Variants in SULF1 observed in about 807,000 individuals in gnomAD.
SULF1 encodes the protein extracellular sulfatase Sulf-1.
SULF1 carries 46 observed loss-of-function variants against 110.5 expected under a neutral mutation model. The observed-to-expected ratio is 0.42, with a 90% CI of 0.33 to 0.53. The LOEUF is 0.53. Ranked by LOEUF, SULF1 falls within the 20% of genes least tolerant of loss-of-function variation. The pLI, the probability that SULF1 is intolerant of heterozygous loss-of-function variation, is 0.12. For missense variants in SULF1, 941 were observed against 1,094.2 expected (o/e 0.86, Z 1.98); for synonymous variants, 371 against 387.1 (o/e 0.96, Z 0.49).
At position 69,529,908 on chromosome 8, in the gene SULF1, A is replaced by G. The variant is rs113038471; in HGVS notation, c.-134+27940A>G. On this transcript the variant is annotated intron_variant, in intron 3 of 22. Coordinates refer to ENST00000402687, the MANE Select transcript of SULF1 (RefSeq NM_001128205.2). ...TTGGTTACCCAGGTCAGCCATATTC[A>G]GTGTGGGAGGGAGCTGCACAAAGGT... Among the ~76,000 whole-genome samples, 693 of 152,310 alleles carry G rather than the reference A, an allele frequency of 4.5e-3. 4 individuals are homozygous for G. Among genetic ancestry groups the G allele is most frequent in the African/African-American group, 0.016 (648 of 41,572 alleles).
chr8:69,576,223 T>C lies in SULF1; in HGVS notation c.412+14T>C, dbSNP rs1313206880. On this transcript the variant is annotated intron_variant, in intron 6 of 22. Transcript: ENST00000402687. ...GCTACAGAACAGGTAAGGGATGACG[T>C]TTCTAGCCCATGAACGTCTTGTAAT... The C allele has an allele frequency of 3.7e-6, 6 of 1,610,666 alleles. No individual in the cohort carries two copies. Among genetic ancestry groups the C allele is most frequent in the South Asian group, 1.1e-5 (1 of 90,704 alleles).
chr8:69,643,066 T>C (rs1270898788), intron 22 of SULF1, among the ~76,000 whole-genome samples: 1 of 152,164 alleles, frequency 6.6e-6, no homozygotes, highest in Non-Finnish European at 1.5e-5. Context: ...TAACTTGAAA[T>C]AACCGGCATT....
At chr8:69,498,753 A>G (rs1332177375) in intron 2 of SULF1, among the ~76,000 whole-genome samples, 1 of 152,220 alleles carries the variant, frequency 6.6e-6, no homozygotes, top group South Asian at 2.1e-4. Context: ...TAAAGAACAG[A>G]GGAGTGAAAG....
chr8:69,577,595 A>G (rs1805713440), intron 6 of SULF1, among the ~76,000 whole-genome samples: 1 of 152,286 alleles, frequency 6.6e-6, no homozygotes, highest in Admixed American at 6.5e-5. Flanking sequence ...TGTCATAAGA[A>G]ATAGAGATTG....
intron 21 of SULF1, 24 bp downstream of exon 21, chr8:69,638,882 T>A (rs188009207): frequency 1.3e-6 from 2 of 1,594,864 alleles, no homozygotes; most frequent in South Asian, 2.3e-5. Flanking sequence ...TACTATTTTT[T>A]CTATTTTACC....
chr8:69,634,919 T>C (rs1464084495), intron 19 of SULF1, among the ~76,000 whole-genome samples: 1 of 152,208 alleles, frequency 6.6e-6, no homozygotes, highest in African/African-American at 2.4e-5. Context: ...GTGATTCTCC[T>C]GCCTCAGCTG....
At chr8:69,539,024 G>A (rs1476302793) in intron 3 of SULF1, among the ~76,000 whole-genome samples, 3 of 152,152 alleles carry the variant, frequency 2.0e-5, no homozygotes, top group African/African-American at 7.2e-5. Context: ...ATATATGCCA[G>A]GATTGAACCC....
At chr8:69,481,304 G>T (rs1256140704) in intron 1 of SULF1, among the ~76,000 whole-genome samples, 1 of 152,142 alleles carries the variant, frequency 6.6e-6, no homozygotes, top group Non-Finnish European at 1.5e-5. Flanking sequence ...TGTGAATTCT[G>T]TTGAGAATGT....
chr8:69,612,099 A>T (rs1374460027), intron 13 of SULF1, among the ~76,000 whole-genome samples: 1 of 152,040 alleles, frequency 6.6e-6, no homozygotes, highest in Middle Eastern at 3.2e-3. Context: ...AAAATAAAAT[A>T]TTTGGTTTTC....
chr8:69,468,294 T>A (rs1382467734), intron 1 of SULF1, among the ~76,000 whole-genome samples: 1 of 152,188 alleles, frequency 6.6e-6, no homozygotes, highest in Non-Finnish European at 1.5e-5. Flanking sequence ...ATAACAGGAT[T>A]TATGGCTAGT....
At chr8:69,499,128 G>C (rs1219215781) in intron 2 of SULF1, among the ~76,000 whole-genome samples, 4 of 152,040 alleles carry the variant, frequency 2.6e-5, no homozygotes, top group African/African-American at 7.3e-5. Context: ...CAAACTGCTG[G>C]GATTACAGGC....
chr8:69,632,433 A>G (rs1392636512), intron 19 of SULF1, among the ~76,000 whole-genome samples: 1 of 152,162 alleles, frequency 6.6e-6, no homozygotes, highest in Admixed American at 6.5e-5. Context: ...TCAAAAAAGT[A>G]ATACTATGTG....
chr8:69,492,312 G>A (rs879568536), upstream of SULF1, among the ~76,000 whole-genome samples: 3 of 152,072 alleles, frequency 2.0e-5, no homozygotes, highest in African/African-American at 4.8e-5. Context: ...CCACAGAGAA[G>A]AGAGGAGAGA....
rs746486976 is a variant in SULF1 at position 69,621,190 on chromosome 8, C to T, written c.1533C>T (p.Tyr511=). Residue 511 remains tyrosine (Y), a synonymous_variant, in exon 14 of 23, where the codon TAC becomes TAT. Coordinates refer to ENST00000402687, the MANE Select transcript of SULF1 (RefSeq NM_001128205.2). ...DKECSCRESG[Y]RASRSQRKSQ... is the part of the protein sequence containing the mutation. ...AGTGCAGTTGTAGGGAGTCTGGTTA[C>T]CGTGCCAGCAGAAGCCAAAGAAAGA... is the stretch of plus-strand genomic sequence containing the variant. 2 of 1,613,976 alleles carry T rather than the reference C, an allele frequency of 1.2e-6. No individual in the cohort carries two copies. Among genetic ancestry groups the T allele is most frequent in the Admixed American group, 3.3e-5 (2 of 59,986 alleles).
chr8:69,530,022 G>T (rs1216584995), intron 3 of SULF1, among the ~76,000 whole-genome samples: 1 of 152,176 alleles, frequency 6.6e-6, no homozygotes, highest in Non-Finnish European at 1.5e-5. Flanking sequence ...CCTATTTGGT[G>T]ACTCGGTCTC....
At chr8:69,554,092 A>C (rs1291616739) in intron 3 of SULF1, among the ~76,000 whole-genome samples, 2 of 152,206 alleles carry the variant, frequency 1.3e-5, no homozygotes, top group African/African-American at 4.8e-5. Flanking sequence ...GGCTGGCTTT[A>C]CTTGTGGGGC....
At chr8:69,496,536 A>G (rs1383797128) in intron 2 of SULF1, among the ~76,000 whole-genome samples, 1 of 152,234 alleles carries the variant, frequency 6.6e-6, no homozygotes, top group Non-Finnish European at 1.5e-5. Flanking sequence ...ATCACCAAAT[A>G]TATACTTTTG....
intron 3 of SULF1, among the ~76,000 whole-genome samples, chr8:69,535,465 C>T (rs1813372458): frequency 6.8e-6 from 1 of 147,926 alleles, no homozygotes. Flanking sequence ...TGCAACTATT[C>T]CTGGAAGTAC....
At chr8:69,605,304 C>A (rs1332390825) in intron 13 of SULF1, among the ~76,000 whole-genome samples, 3 of 152,172 alleles carry the variant, frequency 2.0e-5, no homozygotes, top group African/African-American at 7.2e-5. Flanking sequence ...TGGCAGTGAA[C>A]CACCCCAAGA....
Sources: allele counts gnomAD v4.1 joint callset (sites outside exome capture counted in the v4.1 genomes callset), GRCh38; gene constraint gnomAD v4.1.1; transcripts MANE v1.5; gene names NCBI Gene and HGNC (gene_info 2026-07-23, HGNC 2026-07-21).